Variants in SOX5 observed in about 807,000 individuals in gnomAD.
SOX5 encodes the protein SRY-box transcription factor 5.
In SOX5, 9 loss-of-function variants were observed where a neutral mutation model predicts 92.0. That is an observed-to-expected ratio of 0.10 (90% confidence interval 0.06 to 0.17). The LOEUF is 0.17. Among genes scored for constraint, SOX5 ranks in the 10% least tolerant of loss-of-function variants. SOX5 has a pLI of 1.00. For synonymous variants in SOX5, 344 were observed against 336.3 expected (o/e 1.02, Z -0.25); for missense variants, 642 against 944.5 (o/e 0.68, Z 4.20).
intron 2 of SOX5, among the ~76,000 whole-genome samples, chr12:24,354,104 T>A (rs1954482802): frequency 6.6e-6 from 1 of 152,216 alleles, no homozygotes; most frequent in Admixed American, 6.5e-5. Context: ...TATGAAATTA[T>A]AGACTGTGAA....
intron 3 of SOX5, among the ~76,000 whole-genome samples, chr12:24,254,076 T>A (rs1367473412): frequency 4.6e-5 from 7 of 152,184 alleles, no homozygotes; most frequent in Non-Finnish European, 1.0e-4. Context: ...ATCATCATCA[T>A]CATCCATTGC....
chr12:24,042,946 A>C (rs576302481), intron 4 of SOX5, among the ~76,000 whole-genome samples: 5 of 152,188 alleles, frequency 3.3e-5, no homozygotes, highest in Non-Finnish European at 7.4e-5. Flanking sequence ...CAAAGAATGT[A>C]TTGTTTAATA....
intron 3 of SOX5, among the ~76,000 whole-genome samples, chr12:23,844,955 G>A (rs891666945): frequency 6.6e-6 from 1 of 152,084 alleles, no homozygotes; most frequent in African/African-American, 2.4e-5. Context: ...CCAATTCTCA[G>A]ATCATGAGAA....
At chr12:24,479,613 C>CT (rs1194007703) in intron 1 of SOX5, among the ~76,000 whole-genome samples, 2 of 151,952 alleles carry the variant, frequency 1.3e-5, no homozygotes, top group Non-Finnish European at 2.9e-5. Flanking sequence ...ACGAAAAAGC[C>CT]TTACAAAATC....
intron 1 of SOX5, among the ~76,000 whole-genome samples, chr12:24,443,798 G>A (rs1941038197): frequency 6.6e-6 from 1 of 152,206 alleles, no homozygotes; most frequent in Non-Finnish European, 1.5e-5. Context: ...AGGAAAAACT[G>A]TTTTGAAAGA....
intron 1 of SOX5, among the ~76,000 whole-genome samples, chr12:24,389,356 T>C (rs1330167052): frequency 1.3e-5 from 2 of 152,218 alleles, no homozygotes; most frequent in Non-Finnish European, 2.9e-5. Flanking sequence ...CAGTCTATCA[T>C]TGTTGGACAT....
rs1251537454 is a variant in SOX5 at position 23,782,060 on chromosome 12, T to C, written c.482-26336A>G. On this transcript the variant is annotated intron_variant, in intron 3 of 14. Transcript: ENST00000451604. The stretch of plus-strand genomic sequence containing the variant: ...GCATTACACTCAGCATATAGAAGCA[T>C]GCAACAAATGTGAAATGTCAACTTC... 9.2e-5 allele frequency among the ~76,000 whole-genome samples: 14 copies of C among 152,132 alleles called. No homozygotes were observed. The East Asian group carries it at 2.3e-3, about 25-fold the overall frequency.
At chr12:24,174,349 T>C (rs986596208) in intron 4 of SOX5, among the ~76,000 whole-genome samples, 2 of 152,142 alleles carry the variant, frequency 1.3e-5, no homozygotes, top group Non-Finnish European at 2.9e-5. Context: ...TTCACCACCT[T>C]TGGAGAAACA....
At chr12:24,172,233 C>T (rs913919181) in intron 4 of SOX5, among the ~76,000 whole-genome samples, 5 of 152,086 alleles carry the variant, frequency 3.3e-5, no homozygotes, top group African/African-American at 1.2e-4. Flanking sequence ...AGTAACACTT[C>T]CTTTTAGAAA....
chr12:23,714,406 G>C (rs920785008), intron 6 of SOX5, among the ~76,000 whole-genome samples: 2 of 152,088 alleles, frequency 1.3e-5, no homozygotes, highest in African/African-American at 4.8e-5. Context: ...TGGATAACTT[G>C]AGGTCAGGAG....
At chr12:24,455,454 T>C (rs1760808075) in intron 1 of SOX5, among the ~76,000 whole-genome samples, 1 of 152,218 alleles carries the variant, frequency 6.6e-6, no homozygotes, top group African/African-American at 2.4e-5. Flanking sequence ...ATGGTGCCTT[T>C]GAAGAGATGT....
intron 2 of SOX5, among the ~76,000 whole-genome samples, chr12:24,333,957 G>A (rs1951615998): frequency 6.6e-6 from 1 of 150,878 alleles, no homozygotes; most frequent in Non-Finnish European, 1.5e-5. Context: ...TCAATAATCA[G>A]ATCAATTTAA....
At chr12:24,071,748 A>C (rs925059526) in intron 4 of SOX5, among the ~76,000 whole-genome samples, 1 of 152,130 alleles carries the variant, frequency 6.6e-6, no homozygotes, top group African/African-American at 2.4e-5. Flanking sequence ...TTGTTTTTTA[A>C]TCCATAGTAC....
At chr12:24,224,541 GTA>G (rs752406399) in intron 3 of SOX5, among the ~76,000 whole-genome samples, 14 of 152,034 alleles carry the variant, frequency 9.2e-5, no homozygotes, top group Admixed American at 1.3e-4. Context: ...TTCTGAGGAT[GTA>G]TGTGTGTGTG....
At chr12:23,816,344 G>A (rs61925727) in intron 3 of SOX5, among the ~76,000 whole-genome samples, 33,626 of 151,674 alleles carry the variant, frequency 0.22, 4,545 homozygotes, top group Middle Eastern at 0.31. Context: ...CGAGTAGCTG[G>A]GACTACAGGT....
intron 7 of SOX5, among the ~76,000 whole-genome samples, chr12:23,655,555 A>T (rs1219243060): frequency 3.3e-5 from 5 of 152,110 alleles, no homozygotes; most frequent in Non-Finnish European, 5.9e-5. Flanking sequence ...CCCACTTTTA[A>T]TATTAAGGCT....
At chr12:24,509,417 A>G (rs917025184) in intron 1 of SOX5, among the ~76,000 whole-genome samples, 1 of 152,264 alleles carries the variant, frequency 6.6e-6, no homozygotes. Context: ...TGAAGCTTCT[A>G]TGAACATAAA....
intron 6 of SOX5, among the ~76,000 whole-genome samples, chr12:23,705,882 A>G (rs2091321478): frequency 6.6e-6 from 1 of 152,046 alleles, no homozygotes; most frequent in Admixed American, 6.6e-5. Context: ...CTCTCCACTA[A>G]CAATCCCACT....
rs1461508495 is a variant in SOX5, at chr12:24,458,288, G to T, written c.-250-89649C>A. On this transcript the variant is annotated intron_variant, in intron 1 of 4. Transcript: ENST00000446891. ...ACATTAATGCATAAAATGATGAATT[G>T]TTTTTTTACTTATATATTTGGTTCA... is the stretch of plus-strand genomic sequence containing the variant. 2.6e-5 allele frequency among the ~76,000 whole-genome samples: 4 copies of T among 152,120 alleles called. No individual in the cohort carries two copies. In the East Asian group the frequency reaches 7.7e-4, roughly 29 times the overall value.
Sources: allele counts gnomAD v4.1 joint callset (sites outside exome capture counted in the v4.1 genomes callset), GRCh38; gene constraint gnomAD v4.1.1; transcripts MANE v1.5; gene names NCBI Gene and HGNC (gene_info 2026-07-23, HGNC 2026-07-21).